The following TBX18 variants were observed in gnomAD, a reference collection of about 807,000 sequenced individuals.
TBX18 encodes T-box transcription factor 18, also known as T-box transcription factor TBX18.
A neutral mutation model predicts 55.0 loss-of-function variants in TBX18; 21 were observed. That is an observed-to-expected ratio of 0.38 (90% confidence interval 0.27 to 0.55). TBX18 has a LOEUF of 0.55. Ranked by LOEUF, TBX18 falls within the 20% of genes least tolerant of loss-of-function variation. TBX18 has a pLI of 0.73. For missense variants in TBX18, 840 were observed against 799.6 expected, an observed-to-expected ratio of 1.05 and a Z score of -0.61; for synonymous variants, 342 against 326.1, an observed-to-expected ratio of 1.05 and a Z score of -0.53.
At chr6:84,741,392 C>T (rs1324548209) in intron 6 of TBX18, 1 of 152,024 alleles carries the variant, frequency 6.6e-6, no homozygotes, top group African/African-American at 2.4e-5. Context: ...ATTTTTGTAC[C>T]TTCCTGAGTA....
rs765219259 is a variant in TBX18 at position 84,737,263 on chromosome 6, C to G, written c.1246G>C (p.Asp416His). The G allele has an allele frequency of 7.5e-6, 12 of 1,608,694 alleles. No individual in the cohort carries two copies. The South Asian group carries it at 1.3e-4, about 18-fold the overall frequency. ...TSQLCSLAPA[D>H]YSACARSGLT... ...CCTGAGCGGGCACAGGCAGAATAGTCAGCAGGGGCCAGACTACACAGCTGG... is the reference window on the plus strand; with the variant it reads ...CCTGAGCGGGCACAGGCAGAATAGTGAGCAGGGGCCAGACTACACAGCTGG... The change falls in exon 8 of 8, where the codon GAC becomes CAC. Residue 416 changes from aspartate to histidine, a missense_variant. By Grantham distance (81) the Asp-to-His change is moderately conservative. Transcript: ENST00000369663.
At chr6:84,753,377 C>A (rs976286792) in intron 4 of TBX18, among the ~76,000 whole-genome samples, 4 of 151,750 alleles carry the variant, frequency 2.6e-5, no homozygotes, top group Admixed American at 6.6e-5. Flanking sequence ...CTAAGGAGTT[C>A]TCAAGTCACT....
rs188478462 is a variant in TBX18 at position 84,735,885 on chromosome 6, T to G, written c.*800A>C. 6.6e-6 allele frequency: 1 copy of G among 152,110 alleles called. No individual in the cohort carries two copies. Among genetic ancestry groups the G allele is most frequent in the Non-Finnish European group, 1.5e-5 (1 of 68,014 alleles). 9.4% of individuals were successfully genotyped at this position (152,110 alleles called of 1,614,324 possible). ...TCACATATTCCTCCCCTGGTGAAAA[T>G]TGGAATTTAAAAATGTTTATAGAAC... On this transcript the variant is annotated 3_prime_UTR_variant, in exon 8 of 8. Transcript: ENST00000369663.
Position 84,756,712 on chromosome 6 carries a change from C to G in TBX18, c.757G>C (p.Asp253His). The G allele has an allele frequency of 6.2e-7, 1 of 1,613,932 alleles. No individual in the cohort carries two copies. The highest frequency in any genetic ancestry group is 1.1e-5 in the South Asian group (1 of 91,056). The change falls in exon 4 of 8, where the codon GAT becomes CAT. Residue 253 changes from aspartate to histidine, a missense_variant. By Grantham distance (81) the Asp-to-His change is moderately conservative. Transcript: ENST00000369663. Reference protein sequence around the residue: ...DKLKLTNNELDDQGHIILHSM... With the variant: ...DKLKLTNNELHDQGHIILHSM... Reference sequence around the variant, plus strand: ...CATCTACTCACATGGCCTTGGTCATCCAGTTCATTGTTGGTGAGCTTCAGC... The same window carrying G: ...CATCTACTCACATGGCCTTGGTCATGCAGTTCATTGTTGGTGAGCTTCAGC...
intron 1 of TBX18, chr6:84,763,215 C>T: frequency 2.7e-6 from 1 of 368,072 alleles, no homozygotes; most frequent in South Asian, 2.1e-5. Flanking sequence ...CCTCCTTAAG[C>T]CATAAGCGTC....
In TBX18 at chr6:84,756,867, T is replaced by C; in HGVS notation, c.602A>G (p.Tyr201Cys). The C allele has an allele frequency of 6.2e-7, 1 of 1,613,836 alleles. No individual in the cohort carries two copies. Among genetic ancestry groups the C allele is most frequent in the Non-Finnish European group, 8.5e-7 (1 of 1,179,778 alleles). ...CATCCATTTCGAACTGTGGTAAACA[T>C]ACCTAGAAGGCAATGACCAGGCGTT... is the stretch of plus-strand genomic sequence containing the variant. ...IVPVDNKRYR[Y>C]VYHSSKWMVA... The change falls in exon 4 of 8, where the codon TAT becomes TGT. Residue 201 changes from tyrosine to cysteine, a missense_variant and splice_region_variant. Transcript: ENST00000369663.
chr6:84,736,780 G>A lies in TBX18; in HGVS notation c.1729C>T (p.Leu577=). The change falls in exon 8 of 8, where the codon CTG becomes TTG. Residue 577 remains leucine (L), a synonymous_variant. Coordinates refer to ENST00000369663, the MANE Select transcript of TBX18 (RefSeq NM_001080508.3). ...CTCTGCTGACCCCCACTGCTAAGCA[G>A]GTGCACTCCTTCCACAGGGGGCAAC... The part of the protein sequence containing the change: ...QMLPPVEGVH[L]LSSGGQQSFF... 1 of 1,614,048 alleles carries A rather than the reference G, an allele frequency of 6.2e-7. No homozygotes were observed. The highest frequency in any genetic ancestry group is 8.5e-7 in the Non-Finnish European group (1 of 1,179,988).
At position 84,736,733 on chromosome 6, in the gene TBX18, T is replaced by C. The variant is rs1773954930; in HGVS notation, c.1776A>G (p.Leu592=). The C allele has an allele frequency of 3.7e-6, 6 of 1,603,400 alleles. No homozygotes were observed. The highest frequency in any genetic ancestry group is 1.3e-5 in the African/African-American group (1 of 74,338). The change falls in exon 8 of 8, where the codon CTA becomes CTG. Residue 592 remains leucine (L), a synonymous_variant. Transcript: ENST00000369663. ...GQQSFFDSRT[L]GSLTLSSSQV... Reference sequence around the variant, plus strand: ...GAGATGATGACAGAGTTAAGCTTCCTAGGGTCCTAGAGTCAAAGAAACTCT... The same window carrying C: ...GAGATGATGACAGAGTTAAGCTTCCCAGGGTCCTAGAGTCAAAGAAACTCT...
intron 5 of TBX18, among the ~76,000 whole-genome samples, chr6:84,747,194 A>AG (rs1222853407): frequency 6.6e-6 from 1 of 152,102 alleles, no homozygotes; most frequent in Non-Finnish European, 1.5e-5. Flanking sequence ...TGAAAAAAAA[A>AG]AAAATCTACC....
Position 84,764,455 on chromosome 6 carries a change from C to T in TBX18, c.-274G>A. On this transcript the variant is annotated 5_prime_UTR_variant, in exon 1 of 8. Coordinates refer to ENST00000369663, the MANE Select transcript of TBX18 (RefSeq NM_001080508.3). ...ACTCCTTTGCTCCCACCCCTTCCAC[C>T]TCCTCCTGCTGCTCCGAGGTCTGCC... The T allele has an allele frequency of 2.4e-6, 1 of 418,358 alleles. No homozygotes were observed. Among genetic ancestry groups the T allele is most frequent in the Admixed American group, 4.4e-5 (1 of 22,712 alleles). The allele number at this position is 418,358 out of a possible 1,614,324, so 25.9% of individuals were successfully genotyped here. A position where few individuals can be genotyped will look rare whatever the true frequency, so the allele number is the denominator to read the frequency against.
chr6:84,745,493 C>T (rs566280487), intron 5 of TBX18, among the ~76,000 whole-genome samples: 5 of 152,202 alleles, frequency 3.3e-5, no homozygotes, highest in East Asian at 1.9e-4. Flanking sequence ...TGCTTGTGCA[C>T]GCCCTCCAGT....
intron 2 of TBX18, 26 bp from the exon 3 acceptor site, chr6:84,760,382 G>T: frequency 1.3e-6 from 2 of 1,550,144 alleles, no homozygotes; most frequent in Non-Finnish European, 1.8e-6. Context: ...AAGAGAAAGA[G>T]GGTTTGGGGT....
At position 84,736,706 on chromosome 6, in the gene TBX18, T is replaced by G. The variant is rs1773953711; in HGVS notation, c.1803A>C (p.Gln601His). The G allele has an allele frequency of 6.3e-7, 1 of 1,580,986 alleles. No homozygotes were observed. The highest frequency in any genetic ancestry group is 1.4e-5 in the African/African-American group (1 of 73,260). ...TTCATCAGACCATATGTGCAGATAC[T>G]TGAGATGATGACAGAGTTAAGCTTC... is the stretch of plus-strand genomic sequence containing the variant. The part of the protein sequence containing the change: ...TLGSLTLSSS[Q>H]VSAHMV Residue 601 changes from glutamine to histidine, a missense_variant, in exon 8 of 8, where the codon CAA (glutamine) becomes CAC (histidine). Gln to His is a conservative substitution (Grantham distance 24). Transcript: ENST00000369663.
chr6:84,732,958 C>T lies in TBX18; in HGVS notation c.*3727G>A, dbSNP rs1773844218. ...AATTGGAAACTAAAAGGAATACTAA[C>T]AATTATCATCCCAGCCATTCCTTTC... is the stretch of plus-strand genomic sequence containing the variant. On this transcript the variant is annotated 3_prime_UTR_variant, in exon 8 of 8. Coordinates refer to ENST00000369663, the MANE Select transcript of TBX18 (RefSeq NM_001080508.3). The T allele has an allele frequency of 6.6e-6, 1 of 151,978 alleles. No homozygotes were observed. Among genetic ancestry groups the T allele is most frequent in the Non-Finnish European group, 1.5e-5 (1 of 67,968 alleles). 9.4% of individuals were successfully genotyped at this position (151,978 alleles called of 1,614,324 possible). A position where few individuals can be genotyped will look rare whatever the true frequency, so the allele number is the denominator to read the frequency against.
At chr6:84,746,420 G>T (rs1286032809) in intron 5 of TBX18, among the ~76,000 whole-genome samples, 1 of 145,056 alleles carries the variant, frequency 6.9e-6, no homozygotes, top group African/African-American at 2.5e-5. Flanking sequence ...ATTATATTAA[G>T]TATATTATAA....
Position 84,747,977 on chromosome 6 carries a change from C to G in TBX18, c.882G>C (p.Lys294Asn). 2.5e-6 allele frequency: 4 copies of G among 1,613,384 alleles called. No individual in the cohort carries two copies. The highest frequency in any genetic ancestry group is 3.4e-6 in the Non-Finnish European group (4 of 1,179,452). The part of the protein sequence containing the change: ...IKPVPSGEGV[K>N]AFSFPETVFT... ...AGACAGTTTCTGGAAAGGAGAATGC[C>G]TTTACTCCCTCCCCGGATGGAACAG... The change falls in exon 5 of 8, where the codon AAG becomes AAC. Residue 294 changes from lysine (K) to asparagine (N), a missense_variant. Lys to Asn is a moderately conservative substitution (Grantham distance 94). Coordinates refer to ENST00000369663, the MANE Select transcript of TBX18 (RefSeq NM_001080508.3).
In TBX18 at chr6:84,747,842, AGAGT is replaced by A. The variant is rs1345678049; in HGVS notation, c.939+74_939+77del. 3.3e-5 allele frequency: 44 copies of A among 1,321,730 alleles called. No individual in the cohort carries two copies. In the African/African-American group the frequency reaches 6.2e-4, roughly 19 times the overall value. 81.9% of individuals were successfully genotyped at this position (1,321,730 alleles called of 1,614,324 possible). A position where few individuals can be genotyped will look rare whatever the true frequency, so the allele number is the denominator to read the frequency against. ...AAATGCTTTATAATTCATAATATTT[AGAGT>A]GAGAAGGATAGCTAACTTTCTCTCT... is the stretch of plus-strand genomic sequence containing the variant. On this transcript the variant is annotated intron_variant, in intron 5 of 7. Transcript: ENST00000369663.
chr6:84,746,220 G>A (rs1481628299), intron 5 of TBX18, among the ~76,000 whole-genome samples: 1 of 151,920 alleles, frequency 6.6e-6, no homozygotes, highest in Non-Finnish European at 1.5e-5. Flanking sequence ...CAGTTAATTT[G>A]TGTGTGAGAG....
chr6:84,746,031 A>C (rs79008313), intron 5 of TBX18, among the ~76,000 whole-genome samples: 9,806 of 152,234 alleles, frequency 0.064, 450 homozygotes, highest in African/African-American at 0.13. Flanking sequence ...AATAGTAGCC[A>C]GGAAACTAAA....
Sources: allele counts gnomAD v4.1 joint callset (sites outside exome capture counted in the v4.1 genomes callset), GRCh38; gene constraint gnomAD v4.1.1; transcripts MANE v1.5; gene names NCBI Gene and HGNC (gene_info 2026-07-23, HGNC 2026-07-21).